CDKAL1: variants seen among roughly 807,000 people sequenced by gnomAD.
The protein encoded by CDKAL1 is threonylcarbamoyladenosine tRNA methylthiotransferase.
Under a neutral mutation model 68.2 loss-of-function variants are expected in CDKAL1, and 32 were observed. That is an observed-to-expected ratio of 0.47 (90% CI 0.35 to 0.63). CDKAL1 has a LOEUF of 0.63. CDKAL1 is among the 30% of genes least tolerant of loss of function. The pLI, the probability that CDKAL1 is intolerant of heterozygous loss-of-function variation, is 0.00. For synonymous variants in CDKAL1, 234 were observed against 244.3 expected (o/e 0.96, Z 0.39); for missense variants, 606 against 696.7 (o/e 0.87, Z 1.47).
intron 9 of CDKAL1, among the ~76,000 whole-genome samples, chr6:20,886,556 C>T (rs1434250066): frequency 6.6e-6 from 1 of 152,132 alleles, no homozygotes; most frequent in Non-Finnish European, 1.5e-5. Context: ...ATTATTCAAT[C>T]ATAAAATGGA....
intron 8 of CDKAL1, among the ~76,000 whole-genome samples, chr6:20,820,575 C>T (rs1777237545): frequency 6.6e-6 from 1 of 152,124 alleles, no homozygotes. Context: ...AATGACTTCT[C>T]TATTTCCAGT....
At position 20,930,869 on chromosome 6, in the gene CDKAL1, C is replaced by G. The variant is rs879434380; in HGVS notation, c.743-24550C>G. ...AAGCAATTCTGCTGCCTCAGCCTCC[C>G]GAGTAGCTGGAACTACAGGCACCTG... On this transcript the variant is annotated intron_variant, in intron 9 of 15. Transcript: ENST00000274695. Among the ~76,000 whole-genome samples, 9 of 151,964 alleles carry G rather than the reference C, an allele frequency of 5.9e-5. No homozygotes were observed. The South Asian group carries it at 8.3e-4, about 14-fold the overall frequency.
intron 12 of CDKAL1, among the ~76,000 whole-genome samples, chr6:21,104,932 G>A (rs12529531): frequency 0.25 from 37,688 of 152,068 alleles, 4,780 homozygotes; most frequent in South Asian, 0.35. Context: ...CAAGCTGGTC[G>A]CTCAGCCATT....
chr6:20,812,616 A>G (rs910375641), intron 8 of CDKAL1, among the ~76,000 whole-genome samples: 2 of 152,326 alleles, frequency 1.3e-5, no homozygotes, highest in African/African-American at 2.4e-5. Context: ...AGAGTTTTAC[A>G]TAAATGAAAC....
intron 8 of CDKAL1, among the ~76,000 whole-genome samples, chr6:20,823,716 G>A (rs1412633113): frequency 2.6e-5 from 4 of 152,012 alleles, no homozygotes. Flanking sequence ...ATAACTCTTC[G>A]GTGAACAATT....
chr6:21,151,342 G>A (rs141926298), intron 13 of CDKAL1, among the ~76,000 whole-genome samples: 1 of 152,326 alleles, frequency 6.6e-6, no homozygotes, highest in African/African-American at 2.4e-5. Context: ...CTGGACAGTA[G>A]TAACAGTTTT....
At chr6:20,898,162 CT>C (rs1341193604) in intron 9 of CDKAL1, among the ~76,000 whole-genome samples, 1 of 151,948 alleles carries the variant, frequency 6.6e-6, no homozygotes. Context: ...GCTCTTTTTA[CT>C]GTTTTTACTG....
At chr6:21,001,614 A>G (rs1767432030) in intron 11 of CDKAL1, among the ~76,000 whole-genome samples, 1 of 152,078 alleles carries the variant, frequency 6.6e-6, no homozygotes, top group Non-Finnish European at 1.5e-5. Context: ...ATAGATCTCT[A>G]CCCTTTTTAA....
At chr6:21,135,050 G>A (rs1775522869) in intron 13 of CDKAL1, among the ~76,000 whole-genome samples, 1 of 152,114 alleles carries the variant, frequency 6.6e-6, no homozygotes, top group Non-Finnish European at 1.5e-5. Flanking sequence ...CTATGACCAT[G>A]AACTACTGAT....
chr6:20,808,800 G>A (rs1214178826), intron 8 of CDKAL1, among the ~76,000 whole-genome samples: 1 of 152,098 alleles, frequency 6.6e-6, no homozygotes, highest in Non-Finnish European at 1.5e-5. Context: ...CACAAAATAA[G>A]TATATTTTTC....
chr6:21,050,767 C>T (rs1441757821), intron 11 of CDKAL1, among the ~76,000 whole-genome samples: 1 of 152,174 alleles, frequency 6.6e-6, no homozygotes, highest in Non-Finnish European at 1.5e-5. Context: ...TCAGTCCAGT[C>T]CAAGGATTTA....
chr6:20,903,590 A>G (rs1411137512), intron 9 of CDKAL1, among the ~76,000 whole-genome samples: 1 of 152,184 alleles, frequency 6.6e-6, no homozygotes, highest in Non-Finnish European at 1.5e-5. Context: ...ATACTTGAAC[A>G]CAGTGCCTGA....
intron 15 of CDKAL1, among the ~76,000 whole-genome samples, chr6:21,228,151 G>A (rs1177882715): frequency 2.6e-5 from 4 of 152,198 alleles, no homozygotes; most frequent in African/African-American, 4.8e-5. Context: ...AGCCAGTTTC[G>A]GGGTCTCTCA....
intron 13 of CDKAL1, among the ~76,000 whole-genome samples, chr6:21,157,984 G>C (rs1776726988): frequency 6.6e-6 from 1 of 152,184 alleles, no homozygotes; most frequent in South Asian, 2.1e-4. Flanking sequence ...TATTGGTAGA[G>C]TGCTCTTTTC....
chr6:21,083,638 T>C (rs190417898), intron 12 of CDKAL1, among the ~76,000 whole-genome samples: 1 of 152,354 alleles, frequency 6.6e-6, no homozygotes, highest in East Asian at 1.9e-4. Flanking sequence ...CTACAGTTTA[T>C]ATTCTAATTT....
In CDKAL1 at chr6:21,005,323, C is replaced by T. The variant is rs146967769; in HGVS notation, c.1055+4951C>T. On this transcript the variant is annotated intron_variant, in intron 11 of 15. Transcript: ENST00000274695. ...TCAAAAAATGACAACATGCGCAGTT[C>T]TTAAGCATATGTTTTAATGCTAAGT... Among the ~76,000 whole-genome samples the T allele has an allele frequency of 3.0e-3, 455 of 152,260 alleles. 1 individual carries two copies. Among genetic ancestry groups the T allele is most frequent in the African/African-American group, 0.011 (440 of 41,546 alleles).
intron 13 of CDKAL1, among the ~76,000 whole-genome samples, chr6:21,120,335 C>A (rs952464421): frequency 1.1e-4 from 17 of 152,224 alleles, no homozygotes; most frequent in African/African-American, 3.4e-4. Flanking sequence ...CATCCCACAG[C>A]AAATTCAGGG....
intron 13 of CDKAL1, among the ~76,000 whole-genome samples, chr6:21,123,228 G>T (rs1226967884): frequency 1.3e-5 from 2 of 152,114 alleles, no homozygotes; most frequent in African/African-American, 4.8e-5. Flanking sequence ...GCTGAGGCAG[G>T]TGGGTCACTT....
At chr6:21,113,603 A>G (rs546330484) in intron 13 of CDKAL1, among the ~76,000 whole-genome samples, 16 of 152,052 alleles carry the variant, frequency 1.1e-4, no homozygotes, top group African/African-American at 3.6e-4. Context: ...TCCGGGTTCA[A>G]GCAATTCTCC....
Sources: gnomAD v4.1 joint callset for allele counts (sites outside exome capture counted in the v4.1 genomes callset) on GRCh38, gnomAD v4.1.1 for gene constraint, MANE v1.5 for transcripts, NCBI Gene and HGNC (gene_info 2026-07-23, HGNC 2026-07-21) for gene names.